Variants in IDO2 observed in about 807,000 individuals in gnomAD.
IDO2 encodes the protein indoleamine 2,3-dioxygenase 2.
Under a neutral mutation model 45.1 loss-of-function variants are expected in IDO2, and 46 were observed. That is an observed-to-expected ratio of 1.02 (90% CI 0.80 to 1.30). IDO2 has a LOEUF of 1.30. IDO2 is among the 50% of genes most tolerant of loss of function. The pLI is 0.00. For synonymous variants in IDO2, 218 were observed against 184.9 expected (o/e 1.18, Z -1.45); for missense variants, 544 against 491.8 (o/e 1.11, Z -1.00).
intron 2 of IDO2, among the ~76,000 whole-genome samples, chr8:39,960,878 G>A (rs1807984112): frequency 6.6e-6 from 1 of 152,158 alleles, no homozygotes; most frequent in African/African-American, 2.4e-5. Context: ...CACCTCCCGG[G>A]TTCATGCCAT....
intron 4 of IDO2, among the ~76,000 whole-genome samples, chr8:39,981,857 G>C (rs1808358501): frequency 6.6e-6 from 1 of 152,170 alleles, no homozygotes; most frequent in Admixed American, 6.5e-5. Context: ...CTCCGATAGA[G>C]AACCTCATAC....
At chr8:39,946,207 C>G (rs1357001800) in intron 1 of IDO2, among the ~76,000 whole-genome samples, 5 of 152,160 alleles carry the variant, frequency 3.3e-5, no homozygotes, top group African/African-American at 2.4e-5. Flanking sequence ...TGGCCCCCAC[C>G]CAGGAACTGA....
chr8:39,964,240 A>G (rs1808047201), intron 3 of IDO2, among the ~76,000 whole-genome samples: 2 of 152,340 alleles, frequency 1.3e-5, no homozygotes, highest in Admixed American at 6.5e-5. Context: ...AGTTTTTGCC[A>G]TTACTTTTAA....
chr8:39,967,792 G>A (rs1193497302), intron 3 of IDO2, among the ~76,000 whole-genome samples: 1 of 152,180 alleles, frequency 6.6e-6, no homozygotes, highest in Non-Finnish European at 1.5e-5. Context: ...TGGCCTAAAA[G>A]ACAATTTCAT....
At chr8:39,949,149 A>G in exon 2 of IDO2, 1 of 1,599,520 alleles carries the variant, frequency 6.3e-7, no homozygotes, top group Non-Finnish European at 8.5e-7. Context: ...TTCCATGCAG[A>G]TACTTCAAAC....
At chr8:40,002,612 C>T (rs1237910215) in intron 8 of IDO2, among the ~76,000 whole-genome samples, 2 of 151,888 alleles carry the variant, frequency 1.3e-5, no homozygotes, top group African/African-American at 4.8e-5. Flanking sequence ...CTGATGAAAC[C>T]CCGTCTCTAC....
intron 8 of IDO2, among the ~76,000 whole-genome samples, chr8:40,003,391 AG>A (rs377099736): frequency 4.2e-5 from 6 of 143,002 alleles, no homozygotes; most frequent in Non-Finnish European, 9.0e-5. Context: ...AAAAAAAAAA[AG>A]AAAACGAGAA....
At chr8:39,993,976 C>A (rs991242730) in intron 8 of IDO2, among the ~76,000 whole-genome samples, 1 of 152,002 alleles carries the variant, frequency 6.6e-6, no homozygotes, top group African/African-American at 2.4e-5. Flanking sequence ...CACTGCACTC[C>A]AGCCTGGGCG....
intron 3 of IDO2, among the ~76,000 whole-genome samples, chr8:39,972,879 T>A (rs1808201327): frequency 6.6e-6 from 1 of 152,184 alleles, no homozygotes; most frequent in Non-Finnish European, 1.5e-5. Flanking sequence ...AATAAAGTAC[T>A]TTATAATTAA....
intron 5 of IDO2, 76 bp downstream of exon 5, chr8:39,982,846 G>A: frequency 1.0e-6 from 1 of 964,794 alleles, no homozygotes; most frequent in Non-Finnish European, 1.5e-6. Context: ...TTATAATTAG[G>A]GAAGTTCATA....
At chr8:39,994,728 T>C (rs112458733) in intron 8 of IDO2, among the ~76,000 whole-genome samples, 3 of 151,588 alleles carry the variant, frequency 2.0e-5, no homozygotes, top group African/African-American at 7.3e-5. Flanking sequence ...CCTTATAAAC[T>C]GGAGTATCCT....
At chr8:39,970,949 TAG>T (rs1808169460) in intron 3 of IDO2, among the ~76,000 whole-genome samples, 1 of 151,790 alleles carries the variant, frequency 6.6e-6, no homozygotes. Context: ...GCAGTTTTAG[TAG>T]AGACGGGGTT....
chr8:39,979,155 T>A (rs1808304261), exon 4 of IDO2: 1 of 1,599,878 alleles, frequency 6.3e-7, no homozygotes, highest in African/African-American at 1.3e-5. Context: ...ATGGGTTATG[T>A]CTGGCAGGAA....
At chr8:39,942,551 A>G (rs1217762016) in intron 1 of IDO2, among the ~76,000 whole-genome samples, 2 of 152,060 alleles carry the variant, frequency 1.3e-5, no homozygotes, top group Admixed American at 1.3e-4. Flanking sequence ...GAGGCAGAAG[A>G]ATTGCTTGAA....
chr8:39,971,836 T>G (rs1000841694), intron 3 of IDO2, among the ~76,000 whole-genome samples: 1 of 152,036 alleles, frequency 6.6e-6, no homozygotes, highest in African/African-American at 2.4e-5. Flanking sequence ...GAGACAGAGT[T>G]TCGTTCTTAT....
chr8:40,012,733 A>G (rs572912332), intron 9 of IDO2, among the ~76,000 whole-genome samples: 1 of 152,150 alleles, frequency 6.6e-6, no homozygotes, highest in African/African-American at 2.4e-5. Flanking sequence ...AAAGGAGAGG[A>G]AAGGTGGGGA....
chr8:39,985,576 C>T, intron 6 of IDO2, 54 bp downstream of exon 6: 1 of 1,441,786 alleles, frequency 6.9e-7, no homozygotes, highest in Non-Finnish European at 9.5e-7. Flanking sequence ...AATTTAAAAT[C>T]TTACAATAAA....
intron 2 of IDO2, among the ~76,000 whole-genome samples, chr8:39,957,102 A>G (rs1272868147): frequency 6.6e-6 from 1 of 151,908 alleles, no homozygotes; most frequent in Non-Finnish European, 1.5e-5. Flanking sequence ...AATCCTCACA[A>G]TAGTCTTCAC....
intron 2 of IDO2, among the ~76,000 whole-genome samples, chr8:39,961,038 C>T (rs1807988298): frequency 6.6e-6 from 1 of 152,192 alleles, no homozygotes; most frequent in South Asian, 2.1e-4. Context: ...CTGCATTGGC[C>T]TCCCAAAGAG....
Sources: allele counts gnomAD v4.1 joint callset (sites outside exome capture counted in the v4.1 genomes callset), GRCh38; gene constraint gnomAD v4.1.1; transcripts MANE v1.5; gene names NCBI Gene and HGNC (gene_info 2026-07-23, HGNC 2026-07-21).